The following CCDC178 variants were observed in gnomAD, a reference collection of about 807,000 sequenced individuals.
The protein encoded by CCDC178 is coiled-coil domain-containing protein 178.
In CCDC178, 126 loss-of-function variants were observed where a neutral mutation model predicts 117.4. The observed-to-expected ratio is 1.07, with a 90% confidence interval of 0.93 to 1.24. The LOEUF (loss-of-function observed/expected upper bound fraction) is 1.24. Ranked by LOEUF, CCDC178 falls within the 50% of genes most tolerant of loss-of-function variation. The pLI, the probability that CCDC178 is intolerant of heterozygous loss-of-function variation, is 0.00. For missense variants in CCDC178, 1,030 were observed against 986.9 expected (o/e 1.04, Z -0.59); for synonymous variants, 283 against 313.4 (o/e 0.90, Z 1.02).
At chr18:33,065,008 T>G (rs456688) in intron 21 of CCDC178, among the ~76,000 whole-genome samples, 21,217 of 149,892 alleles carry the variant, frequency 0.14, 2,322 homozygotes, top group African/African-American at 0.31. Flanking sequence ...CTGCATGTTC[T>G]CACTCATGTG....
chr18:33,149,535 T>A (rs895341213), intron 20 of CCDC178, among the ~76,000 whole-genome samples: 1 of 152,142 alleles, frequency 6.6e-6, no homozygotes. Context: ...ACCAACACTA[T>A]CAGAGATACT....
chr18:33,083,373 G>A (rs1328167662), intron 21 of CCDC178, among the ~76,000 whole-genome samples: 7 of 152,174 alleles, frequency 4.6e-5, no homozygotes, highest in Admixed American at 4.6e-4. Flanking sequence ...ATACATTAAA[G>A]CTCTTGCTAT....
chr18:33,145,241 T>C (rs78671811), intron 20 of CCDC178, among the ~76,000 whole-genome samples: 210 of 152,326 alleles, frequency 1.4e-3, no homozygotes, highest in Middle Eastern at 3.4e-3. Flanking sequence ...AAAATATTTA[T>C]CACGATTCCA....
rs1423066329 is a variant in CCDC178 at position 33,440,680 on chromosome 18, C to G, written c.-170G>C. ...GCTCCGCGCGTTTCCCCGCGCGTCT[C>G]CCGGACCCGCGCCTGCCCACCCCTC... On this transcript the variant is annotated 5_prime_UTR_variant, in exon 1 of 23. Transcript: ENST00000383096. 6.6e-6 allele frequency: 1 copy of G among 152,166 alleles called. No individual in the cohort carries two copies. Among genetic ancestry groups the G allele is most frequent in the Non-Finnish European group, 1.5e-5 (1 of 68,106 alleles). 9.4% of individuals were successfully genotyped at this position (152,166 alleles called of 1,614,324 possible).
chr18:33,297,766 G>T (rs1178353561), intron 11 of CCDC178, among the ~76,000 whole-genome samples: 1 of 152,104 alleles, frequency 6.6e-6, no homozygotes, highest in Non-Finnish European at 1.5e-5. Flanking sequence ...AACTGGCCAG[G>T]CACAGTGGCT....
chr18:32,991,678 G>A (rs766782620), intron 21 of CCDC178, among the ~76,000 whole-genome samples: 3 of 152,004 alleles, frequency 2.0e-5, no homozygotes, highest in Non-Finnish European at 4.4e-5. Context: ...ATGCTGTCTC[G>A]GGCTGGTCCC....
chr18:33,372,478 A>G (rs1169477409), intron 5 of CCDC178, among the ~76,000 whole-genome samples: 1 of 152,130 alleles, frequency 6.6e-6, no homozygotes, highest in African/African-American at 2.4e-5. Context: ...TTTTCACCTA[A>G]AATTCCAAAC....
chr18:33,106,817 A>G (rs2145118766), intron 20 of CCDC178, among the ~76,000 whole-genome samples: 1 of 151,858 alleles, frequency 6.6e-6, no homozygotes, highest in African/African-American at 2.4e-5. Flanking sequence ...AGGAAGAAGC[A>G]GGAGAAATTT....
rs145265513 is a variant in CCDC178, at chr18:33,024,461, C to T, written c.2389-49780G>A. Among the ~76,000 whole-genome samples the T allele has an allele frequency of 5.2e-3, 791 of 152,086 alleles. 6 individuals are homozygous for T. Among genetic ancestry groups the T allele is most frequent in the Non-Finnish European group, 5.3e-3 (363 of 67,980 alleles). ...CCTCTTATAAGGACACCAGCCATAC[C>T]GAATTAGGGTCCACCCATATTATCT... On this transcript the variant is annotated intron_variant, in intron 21 of 22. Coordinates refer to ENST00000383096, the MANE Select transcript of CCDC178 (RefSeq NM_001105528.4).
intron 11 of CCDC178, among the ~76,000 whole-genome samples, chr18:33,294,881 T>C (rs1248477518): frequency 6.6e-6 from 1 of 152,202 alleles, no homozygotes; most frequent in Non-Finnish European, 1.5e-5. Flanking sequence ...GTGGTTCACT[T>C]ATTCCAATTT....
chr18:33,131,998 T>G (rs1404004565), intron 20 of CCDC178, among the ~76,000 whole-genome samples: 2 of 151,706 alleles, frequency 1.3e-5, no homozygotes, highest in African/African-American at 4.8e-5. Context: ...TTCTTTGTTT[T>G]TTTTTGGTGC....
intron 22 of CCDC178, among the ~76,000 whole-genome samples, chr18:32,941,209 G>A (rs1037460633): frequency 7.2e-5 from 11 of 151,942 alleles, no homozygotes; most frequent in South Asian, 2.1e-4. Context: ...GCCGTTTGCC[G>A]GAAAAGAGTT....
chr18:33,272,354 A>T (rs2059901392), intron 12 of CCDC178, among the ~76,000 whole-genome samples: 1 of 151,662 alleles, frequency 6.6e-6, no homozygotes, highest in Admixed American at 6.6e-5. Context: ...TTACTCAAGA[A>T]GAAACAGAAA....
At chr18:33,226,949 T>C in intron 15 of CCDC178, 94 bp from the exon 16 acceptor site, 2 of 500,620 alleles carry the variant, frequency 4.0e-6, no homozygotes, top group East Asian at 6.9e-5. Flanking sequence ...ACATTTTTAA[T>C]GTTTCAATAT....
intron 21 of CCDC178, among the ~76,000 whole-genome samples, chr18:33,069,878 ATTT>A (rs2057079115): frequency 6.6e-6 from 1 of 152,122 alleles, no homozygotes; most frequent in Non-Finnish European, 1.5e-5. Flanking sequence ...CTGGAGAGAC[ATTT>A]CTCAAAAGGA....
chr18:33,396,364 T>C (rs1229294770), intron 4 of CCDC178, among the ~76,000 whole-genome samples: 1 of 152,158 alleles, frequency 6.6e-6, no homozygotes, highest in East Asian at 1.9e-4. Context: ...TGTAAATTCA[T>C]GTAATTACTT....
intron 22 of CCDC178, chr18:32,956,783 T>C (rs2054603991): frequency 6.6e-6 from 1 of 152,204 alleles, no homozygotes; most frequent in African/African-American, 2.4e-5. Flanking sequence ...CTTCACAAAA[T>C]GACTACAGAA....
intron 20 of CCDC178, among the ~76,000 whole-genome samples, chr18:33,132,582 A>T (rs975771416): frequency 2.0e-5 from 3 of 151,788 alleles, no homozygotes; most frequent in African/African-American, 7.2e-5. Flanking sequence ...AATTTAAAAG[A>T]ATCTGCCTAT....
At chr18:33,152,202 T>C (rs895954907) in intron 20 of CCDC178, among the ~76,000 whole-genome samples, 1 of 152,004 alleles carries the variant, frequency 6.6e-6, no homozygotes, top group African/African-American at 2.4e-5. Flanking sequence ...AGGCGACAAA[T>C]GGAAACCAGA....
Sources: gnomAD v4.1 joint callset for allele counts (sites outside exome capture counted in the v4.1 genomes callset) on GRCh38, gnomAD v4.1.1 for gene constraint, MANE v1.5 for transcripts, NCBI Gene and HGNC (gene_info 2026-07-23, HGNC 2026-07-21) for gene names.